TRIM37: variants seen among roughly 807,000 people sequenced by gnomAD.
TRIM37 encodes E3 ubiquitin-protein ligase TRIM37.
In TRIM37, 80 loss-of-function variants were observed where a neutral mutation model predicts 129.8. The observed-to-expected ratio is 0.62, with a 90% CI of 0.51 to 0.74. TRIM37 has a LOEUF of 0.74. Among genes scored for constraint, TRIM37 ranks in the 30% least tolerant of loss-of-function variants. TRIM37 has a pLI of 0.00. For missense variants in TRIM37, 1,054 were observed against 1,176.5 expected, an observed-to-expected ratio of 0.90 and a Z score of 1.52; for synonymous variants, 389 against 387.1, an observed-to-expected ratio of 1.00 and a Z score of -0.06.
intron 22 of TRIM37, among the ~76,000 whole-genome samples, chr17:59,008,135 G>C (rs2034783990): frequency 6.6e-6 from 1 of 152,176 alleles, no homozygotes; most frequent in African/African-American, 2.4e-5. Flanking sequence ...GGCTTCCTTT[G>C]TCTCCTGTAC....
chr17:59,030,870 A>G (rs2037770737), intron 18 of TRIM37, among the ~76,000 whole-genome samples: 1 of 152,240 alleles, frequency 6.6e-6, no homozygotes, highest in Non-Finnish European at 1.5e-5. Flanking sequence ...ACCAACTTAC[A>G]TATCTACCTA....
At chr17:59,007,421 T>A (rs970418586) in intron 22 of TRIM37, among the ~76,000 whole-genome samples, 1 of 152,116 alleles carries the variant, frequency 6.6e-6, no homozygotes, top group African/African-American at 2.4e-5. Flanking sequence ...CCCTAAATGA[T>A]CAGCAATGGC....
At chr17:59,067,264 C>T (rs1396723872) in intron 9 of TRIM37, among the ~76,000 whole-genome samples, 1 of 152,186 alleles carries the variant, frequency 6.6e-6, no homozygotes, top group Non-Finnish European at 1.5e-5. Context: ...AGATGAGGCA[C>T]TGCTTTATCT....
chr17:59,010,105 T>C (rs1285200614), intron 22 of TRIM37, among the ~76,000 whole-genome samples: 1 of 152,204 alleles, frequency 6.6e-6, no homozygotes, highest in Non-Finnish European at 1.5e-5. Flanking sequence ...AACTTATTTC[T>C]ATTAATAACT....
Position 59,031,966 on chromosome 17 carries a change from C to T in TRIM37, c.1878G>A (p.Lys626=), listed in dbSNP as rs2037896010. Residue 626 remains lysine, a synonymous_variant, in exon 18 of 24, where the codon AAG becomes AAA. Coordinates refer to ENST00000262294, the MANE Select transcript of TRIM37 (RefSeq NM_015294.6). ...ACAAATTTTCTATACTGCTCCGGTC[C>T]TTAAGGTCCAACAAATGTATTAAAA... The part of the protein sequence containing the change: ...PLILIHLLDL[K]DRSSIENLWG... 2 of 1,614,166 alleles carry T rather than the reference C, an allele frequency of 1.2e-6. No individual in the cohort carries two copies. The highest frequency in any genetic ancestry group is 1.1e-5 in the South Asian group (1 of 91,084).
At chr17:58,980,042 G>A (rs748920174), downstream of TRIM37, 3 of 1,614,122 alleles carry the variant, frequency 1.9e-6, no homozygotes, top group Non-Finnish European at 2.5e-6. The surrounding 1 kb of genome is among the most constrained non-coding windows in gnomAD (Gnocchi z 4.7). Flanking sequence ...GGATGGGACC[G>A]AAGACTACCT....
At chr17:58,974,087 C>A in the TRIM37 span, among the ~76,000 whole-genome samples, 1 of 151,942 alleles carries the variant, frequency 6.6e-6, no homozygotes, top group African/African-American at 2.4e-5. Flanking sequence ...AAGATTGTGC[C>A]ACTGCACTCC....
chr17:59,057,364 A>C (rs2041045070), intron 12 of TRIM37, among the ~76,000 whole-genome samples: 1 of 152,062 alleles, frequency 6.6e-6, no homozygotes, highest in Non-Finnish European at 1.5e-5. Flanking sequence ...ACAGGCGTGT[A>C]CCATGCTTAG....
chr17:58,969,907 G>A, the TRIM37 span, among the ~76,000 whole-genome samples: 1 of 152,148 alleles, frequency 6.6e-6, no homozygotes, highest in Non-Finnish European at 1.5e-5. Flanking sequence ...AGAGTTTCAG[G>A]GGGTACAATG....
chr17:59,015,978 AAAAAT>A (rs910819490), intron 20 of TRIM37, among the ~76,000 whole-genome samples, 179 bp from the exon 21 acceptor site: 1 of 151,976 alleles, frequency 6.6e-6, no homozygotes, highest in East Asian at 1.9e-4. Flanking sequence ...TCTGTCTCCA[AAAAAT>A]AAAATAAAAT....
At chr17:59,097,837 G>C (rs186582933) in intron 2 of TRIM37, among the ~76,000 whole-genome samples, 341 of 152,288 alleles carry the variant, frequency 2.2e-3, no homozygotes, top group Admixed American at 3.8e-3. Context: ...CCATGTTCAA[G>C]GATCATAAGA....
chr17:59,027,300 C>T (rs2037351063), intron 19 of TRIM37, among the ~76,000 whole-genome samples: 1 of 152,190 alleles, frequency 6.6e-6, no homozygotes, highest in Non-Finnish European at 1.5e-5. Context: ...GATACCACTG[C>T]CTATTAAGTT....
intron 21 of TRIM37, 151 bp downstream of exon 21, chr17:59,015,459 A>G (rs932367993): frequency 6.9e-6 from 6 of 871,432 alleles, no homozygotes; most frequent in Non-Finnish European, 1.1e-5. Flanking sequence ...AAAAAATTAA[A>G]AAAGTTAAAA....
intron 13 of TRIM37, 68 bp downstream of exon 13, chr17:59,056,807 T>C: frequency 3.0e-6 from 4 of 1,316,724 alleles, no homozygotes; most frequent in Non-Finnish European, 4.3e-6. Context: ...CAAATGATCT[T>C]TGAAATATAG....
intron 2 of TRIM37, among the ~76,000 whole-genome samples, chr17:59,100,984 T>C (rs2147583602): frequency 6.7e-6 from 1 of 148,232 alleles, no homozygotes; most frequent in Non-Finnish European, 1.5e-5. Flanking sequence ...ATCGCGTCAT[T>C]GCACTCCAGG....
At chr17:58,993,418 A>T (rs2032649203), downstream of TRIM37, among the ~76,000 whole-genome samples, 1 of 152,260 alleles carries the variant, frequency 6.6e-6, no homozygotes, top group African/African-American at 2.4e-5. Context: ...GGGCAAATGA[A>T]TGAACAGTGG....
chr17:59,081,329 T>G, intron 5 of TRIM37, 110 bp from the exon 6 acceptor site: 1 of 1,459,952 alleles, frequency 6.8e-7, no homozygotes, highest in Non-Finnish European at 9.4e-7. Context: ...TCAAATGAAC[T>G]TTACCTTATT....
At chr17:58,967,223 C>A in the TRIM37 span, among the ~76,000 whole-genome samples, 1 of 152,128 alleles carries the variant, frequency 6.6e-6, no homozygotes, top group African/African-American at 2.4e-5. Flanking sequence ...ACTTTTAATT[C>A]TTTATTATAA....
chr17:59,035,031 G>A (rs1298464131), intron 17 of TRIM37, among the ~76,000 whole-genome samples: 1 of 152,016 alleles, frequency 6.6e-6, no homozygotes, highest in Non-Finnish European at 1.5e-5. Flanking sequence ...GCTGTATATA[G>A]AAGTATCTTA....
Sources: gnomAD v4.1 joint callset for allele counts (sites outside exome capture counted in the v4.1 genomes callset) on GRCh38, gnomAD v4.1.1 for gene constraint, Gnocchi (gnomAD v3.1) non-coding constraint, MANE v1.5 for transcripts, NCBI Gene and HGNC (gene_info 2026-07-23, HGNC 2026-07-21) for gene names.